SVOP: variants seen among roughly 807,000 people sequenced by gnomAD.
SVOP encodes synaptic vesicle 2-related protein.
SVOP carries 17 observed loss-of-function variants against 69.1 expected under a neutral mutation model. That is an observed-to-expected ratio of 0.25 (90% confidence interval 0.17 to 0.37). SVOP has a LOEUF of 0.37. Among genes scored for constraint, SVOP ranks in the 10% least tolerant of loss-of-function variants. SVOP has a pLI of 1.00. For synonymous variants in SVOP, 238 were observed against 238.6 expected (o/e 1.00, Z 0.02); for missense variants, 435 against 597.5 (o/e 0.73, Z 2.84).
In SVOP at chr12:108,961,385, G is replaced by T. The variant is rs148435557; in HGVS notation, c.454-338C>A. On this transcript the variant is annotated intron_variant, in intron 5 of 15. Transcript: ENST00000610966. ...ATGCAGCTGAAACTCTGTTTCTGAT[G>T]ATCTGCACCTAGACTTTTTGCTCTG... Among the ~76,000 whole-genome samples the T allele has an allele frequency of 2.3e-3, 339 of 149,776 alleles. 7 individuals carry two copies. The East Asian group carries it at 0.059, about 26-fold the overall frequency.
At chr12:109,016,454 A>G (rs2135635324) in intron 1 of SVOP, among the ~76,000 whole-genome samples, 1 of 152,330 alleles carries the variant, frequency 6.6e-6, no homozygotes, top group Middle Eastern at 3.4e-3. Flanking sequence ...TCCTTGTCAT[A>G]TACTACAAGA....
At chr12:109,020,086 T>C (rs1187748672) in intron 1 of SVOP, among the ~76,000 whole-genome samples, 1 of 152,304 alleles carries the variant, frequency 6.6e-6, no homozygotes, top group African/African-American at 2.4e-5. Flanking sequence ...CTGCTTGTGG[T>C]AGGAAAAATC....
At chr12:108,944,764 T>C (rs2039912860) in intron 7 of SVOP, among the ~76,000 whole-genome samples, 1 of 152,052 alleles carries the variant, frequency 6.6e-6, no homozygotes, top group Non-Finnish European at 1.5e-5. Flanking sequence ...ATGATATGAG[T>C]GTGGGCCAGA....
intron 4 of SVOP, among the ~76,000 whole-genome samples, chr12:108,973,819 C>T (rs1323696170): frequency 2.0e-5 from 3 of 152,200 alleles, no homozygotes; most frequent in Non-Finnish European, 1.5e-5. Flanking sequence ...TTCTCAGCCA[C>T]ACCTCTCTAG....
chr12:108,961,095 A>G, intron 5 of SVOP, 48 bp from the exon 6 acceptor site: 1 of 1,516,766 alleles, frequency 6.6e-7, no homozygotes, highest in Non-Finnish European at 8.8e-7. Flanking sequence ...CAGCACCTCC[A>G]GGTAGCGTTT....
intron 5 of SVOP, among the ~76,000 whole-genome samples, chr12:108,968,084 C>T (rs2040055559): frequency 6.6e-6 from 1 of 152,182 alleles, no homozygotes; most frequent in Admixed American, 6.5e-5. Flanking sequence ...ACAAAGAACA[C>T]TCATCAGGCA....
intron 1 of SVOP, among the ~76,000 whole-genome samples, chr12:109,008,960 C>CTTTTTTTT (rs71079510): frequency 2.7e-5 from 3 of 112,744 alleles, no homozygotes; most frequent in Non-Finnish European, 5.3e-5. Context: ...TCTTTTCTTT[C>CTTTTTTTT]TTTTTTTTTT....
In SVOP at chr12:108,937,387, G is replaced by A. The variant is rs139105497; in HGVS notation, c.898-50C>T. On this transcript the variant is annotated intron_variant, in intron 9 of 15. Transcript: ENST00000610966. ...TTTATTCTCTCCCCTACAGATGCACGGGAGATGGGCTGGTGGCCTGAGACT... is the reference window on the plus strand; with the variant it reads ...TTTATTCTCTCCCCTACAGATGCACAGGAGATGGGCTGGTGGCCTGAGACT... 5,607 of 1,567,766 alleles carry A rather than the reference G, an allele frequency of 3.6e-3. 15 individuals carry two copies. The highest frequency in any genetic ancestry group is 4.1e-3 in the Non-Finnish European group (4,622 of 1,138,080).
intron 12 of SVOP, among the ~76,000 whole-genome samples, chr12:108,920,594 C>CTTTT (rs71079507): frequency 0.011 from 1,327 of 121,274 alleles, 38 homozygotes; most frequent in Non-Finnish European, 0.015. Flanking sequence ...ATTTTTACAT[C>CTTTT]TTTTTTTTTT....
intron 1 of SVOP, among the ~76,000 whole-genome samples, chr12:108,992,456 G>A (rs2040207750): frequency 1.3e-5 from 2 of 151,934 alleles, no homozygotes. Flanking sequence ...TGGGAGGGTC[G>A]CTTGAGCCTG....
intron 5 of SVOP, among the ~76,000 whole-genome samples, chr12:108,967,944 C>CA (rs770102460): frequency 6.6e-6 from 1 of 152,218 alleles, no homozygotes; most frequent in Non-Finnish European, 1.5e-5. Context: ...AGGCCCTTCA[C>CA]AAACATGAAG....
intron 11 of SVOP, among the ~76,000 whole-genome samples, chr12:108,933,837 A>G (rs1414574801): frequency 6.6e-6 from 1 of 152,118 alleles, no homozygotes; most frequent in African/African-American, 2.4e-5. Flanking sequence ...CTTTGAAACA[A>G]CCCACCTGCT....
Position 108,972,481 on chromosome 12 carries a change from G to C in SVOP, c.382-5C>G, listed in dbSNP as rs558534992. The C allele has an allele frequency of 2.4e-5, 37 of 1,537,118 alleles. No individual in the cohort carries two copies. In the South Asian group the frequency reaches 2.7e-4, roughly 11 times the overall value. On this transcript the variant is annotated splice_region_variant and splice_polypyrimidine_tract_variant and intron_variant, in intron 4 of 15. Coordinates refer to ENST00000610966, the MANE Select transcript of SVOP (RefSeq NM_018711.5). ...CATCATGCCTACAAAGACCACCTGT[G>C]GGGGGAAAGACAGTTGTCATTAGAC...
intron 1 of SVOP, among the ~76,000 whole-genome samples, chr12:108,997,749 T>G (rs568452154): frequency 6.6e-6 from 1 of 151,310 alleles, no homozygotes; most frequent in East Asian, 1.9e-4. Flanking sequence ...CAGCTGAGGG[T>G]CCTGTCTGTT....
chr12:108,995,357 A>G (rs1232137752), intron 1 of SVOP, among the ~76,000 whole-genome samples: 1 of 152,190 alleles, frequency 6.6e-6, no homozygotes, highest in African/African-American at 2.4e-5. Context: ...AACATGGATG[A>G]ACCTTGAAGA....
At chr12:108,924,496 G>A (rs756732132) in intron 11 of SVOP, among the ~76,000 whole-genome samples, 2 of 151,818 alleles carry the variant, frequency 1.3e-5, no homozygotes, top group South Asian at 2.1e-4. Flanking sequence ...TATACCCTAC[G>A]GCCAACCCAT....
At chr12:108,967,227 A>G (rs2040050566) in intron 5 of SVOP, among the ~76,000 whole-genome samples, 1 of 152,170 alleles carries the variant, frequency 6.6e-6, no homozygotes, top group African/African-American at 2.4e-5. Context: ...GAGGCCAGGC[A>G]TGGTGGCTCA....
intron 5 of SVOP, among the ~76,000 whole-genome samples, chr12:108,964,483 A>T (rs1271734899): frequency 6.6e-6 from 1 of 151,930 alleles, no homozygotes; most frequent in Non-Finnish European, 1.5e-5. Context: ...AGACAAGTGC[A>T]TGGGAGTTAA....
chr12:108,924,437 G>A (rs1202981515), intron 11 of SVOP, among the ~76,000 whole-genome samples: 3 of 152,156 alleles, frequency 2.0e-5, no homozygotes, highest in Non-Finnish European at 4.4e-5. Context: ...CATCCTTCCA[G>A]TTGCTCAGGC....
Sources: allele counts gnomAD v4.1 joint callset (sites outside exome capture counted in the v4.1 genomes callset), GRCh38; gene constraint gnomAD v4.1.1; transcripts MANE v1.5; gene names NCBI Gene and HGNC (gene_info 2026-07-23, HGNC 2026-07-21).